Variants in AURKA observed in about 807,000 individuals in gnomAD.
AURKA encodes aurora kinase A, also known as aurora 2.
Under a neutral mutation model 40.9 loss-of-function variants are expected in AURKA, and 12 were observed. That is an observed-to-expected ratio of 0.29 (90% CI 0.19 to 0.48). AURKA has a LOEUF of 0.48. Ranked by LOEUF, AURKA falls within the 20% of genes least tolerant of loss-of-function variation. The pLI is 0.99. For synonymous variants in AURKA, 170 were observed against 164.3 expected (o/e 1.03, Z -0.26); for missense variants, 322 against 462.1 (o/e 0.70, Z 2.78).
rs572859710 is a variant in AURKA, at chr20:56,391,141, G to T, written c.-6+1027C>A. Among the ~76,000 whole-genome samples, 11 of 152,332 alleles carry T rather than the reference G, an allele frequency of 7.2e-5. No homozygotes were observed. In the East Asian group the frequency reaches 1.9e-3, roughly 27 times the overall value. ...TTCAAACCAGAAGTCCTACTATTTTGAATAGAAAAGCTGTTAGGCTAATAG... is the reference window on the plus strand; with the variant it reads ...TTCAAACCAGAAGTCCTACTATTTTTAATAGAAAAGCTGTTAGGCTAATAG... On this transcript the variant is annotated intron_variant, in intron 1 of 8. Coordinates refer to ENST00000395915, the MANE Select transcript of AURKA (RefSeq NM_198437.3).
At chr20:56,386,764 T>C (rs971469919) in intron 2 of AURKA, among the ~76,000 whole-genome samples, 1 of 152,178 alleles carries the variant, frequency 6.6e-6, no homozygotes, top group African/African-American at 2.4e-5. Context: ...CTAAAAATCA[T>C]GCTTTATTAA....
intron 6 of AURKA, among the ~76,000 whole-genome samples, chr20:56,374,721 C>T (rs1257217236): frequency 6.6e-6 from 1 of 152,066 alleles, no homozygotes; most frequent in Non-Finnish European, 1.5e-5. Flanking sequence ...CAGACATGAG[C>T]CACTGCACCC....
chr20:56,386,155 T>A (rs1054625522), intron 3 of AURKA, 102 bp downstream of exon 3: 7 of 1,511,004 alleles, frequency 4.6e-6, no homozygotes, highest in Non-Finnish European at 5.5e-6. Flanking sequence ...TCAACAGATA[T>A]AAAAGCTAAG....
rs141589148 is a variant in AURKA at position 56,370,750 on chromosome 20, G to A, written c.855-91C>T. On this transcript the variant is annotated intron_variant, in intron 7 of 8. Coordinates refer to ENST00000395915, the MANE Select transcript of AURKA (RefSeq NM_198437.3). ...TCATTAAAGAGTCCACTAACACTGA[G>A]GTCTTCCCCTGGGCCAGATCCTGTG... 1,483 of 1,417,014 alleles carry A rather than the reference G, an allele frequency of 1.0e-3. 11 individuals carry two copies. The African/African-American group carries it at 0.018, about 17-fold the overall frequency. The allele number at this position is 1,417,014 out of a possible 1,614,324, so 87.8% of individuals were successfully genotyped here.
intron 6 of AURKA, among the ~76,000 whole-genome samples, chr20:56,379,702 CT>C (rs1294479225): frequency 1.3e-5 from 2 of 152,158 alleles, no homozygotes; most frequent in African/African-American, 4.8e-5. Context: ...TGGCTCACAC[CT>C]GTAATCCTAG....
chr20:56,386,087 T>A (rs1304611170), intron 3 of AURKA, among the ~76,000 whole-genome samples, 170 bp downstream of exon 3: 1 of 152,110 alleles, frequency 6.6e-6, no homozygotes, highest in African/African-American at 2.4e-5. Flanking sequence ...TTAGCATAGG[T>A]CTGGCCCATG....
At chr20:56,388,100 A>C (rs1237316849) in intron 2 of AURKA, 56 bp downstream of exon 2, 1 of 1,593,182 alleles carries the variant, frequency 6.3e-7, no homozygotes. Flanking sequence ...TCCCGACAAG[A>C]CCAACCTCCA....
rs1986107901 is a variant in AURKA at position 56,384,394 on chromosome 20, T to C, written c.320-70A>G. The C allele has an allele frequency of 3.4e-6, 4 of 1,186,214 alleles. No individual in the cohort carries two copies. The East Asian group carries it at 9.4e-5, about 28-fold the overall frequency. The allele number at this position is 1,186,214 out of a possible 1,614,324, so 73.5% of individuals were successfully genotyped here. On this transcript the variant is annotated intron_variant, in intron 3 of 8. Transcript: ENST00000395915. ...GGATAAGCTAAGCTGTGAATAGAGGTGAATCAAAGAATTGGTCACCAAAAT... is the reference window on the plus strand; with the variant it reads ...GGATAAGCTAAGCTGTGAATAGAGGCGAATCAAAGAATTGGTCACCAAAAT...
Position 56,370,359 on chromosome 20 carries a change from T to A in AURKA, c.1030-19A>T, listed in dbSNP as rs1285859874. 2.5e-6 allele frequency: 4 copies of A among 1,614,002 alleles called. No homozygotes were observed. In the African/African-American group the frequency reaches 5.3e-5, roughly 22 times the overall value. On this transcript the variant is annotated intron_variant, in intron 8 of 8. Coordinates refer to ENST00000395915, the MANE Select transcript of AURKA (RefSeq NM_198437.3). ...ATTCAACCTGGAGTACAACAAATGA[T>A]AAAATATCACAAAACACAGGTTAGA... is the stretch of plus-strand genomic sequence containing the variant.
intron 5 of AURKA, among the ~76,000 whole-genome samples, chr20:56,382,296 G>A (rs1985819016): frequency 1.3e-5 from 2 of 152,206 alleles, no homozygotes; most frequent in Non-Finnish European, 2.9e-5. Context: ...GGTGCAGACT[G>A]TGGCCAGCGG....
At position 56,369,931 on chromosome 20, in the gene AURKA, A is replaced by G; in HGVS notation, c.*227T>C. ...CCTTGCCTCCAGATTATGAACCAGT[A>G]TAAGTAGCACAATTCTCGTGGCTAC... On this transcript the variant is annotated 3_prime_UTR_variant, in exon 9 of 9. Transcript: ENST00000395915. 2 of 637,670 alleles carry G rather than the reference A, an allele frequency of 3.1e-6. No individual in the cohort carries two copies. Among genetic ancestry groups the G allele is most frequent in the Non-Finnish European group, 5.6e-6 (2 of 356,202 alleles). 39.5% of individuals were successfully genotyped at this position (637,670 alleles called of 1,614,324 possible).
At chr20:56,387,465 T>C (rs1452186309) in intron 2 of AURKA, among the ~76,000 whole-genome samples, 2 of 152,220 alleles carry the variant, frequency 1.3e-5, no homozygotes, top group African/African-American at 4.8e-5. Flanking sequence ...AAATGTATTA[T>C]TTATACGCCT....
At chr20:56,389,747 T>C (rs1167237718) in intron 1 of AURKA, among the ~76,000 whole-genome samples, 1 of 152,318 alleles carries the variant, frequency 6.6e-6, no homozygotes, top group East Asian at 1.9e-4. Context: ...CTCATCTCAG[T>C]GCATGGCAAA....
chr20:56,374,129 G>A (rs1984627928), intron 6 of AURKA, among the ~76,000 whole-genome samples: 1 of 152,148 alleles, frequency 6.6e-6, no homozygotes, highest in Admixed American at 6.5e-5. Context: ...TACAGCTGGT[G>A]TGATGTTGAA....
chr20:56,372,003 G>A (rs370343461), intron 7 of AURKA, among the ~76,000 whole-genome samples: 2 of 152,308 alleles, frequency 1.3e-5, no homozygotes, highest in African/African-American at 4.8e-5. Flanking sequence ...GTATAGACAG[G>A]TATGCCATCA....
At chr20:56,382,951 G>T in intron 5 of AURKA, 34 bp downstream of exon 5, 1 of 1,610,222 alleles carries the variant, frequency 6.2e-7, no homozygotes, top group South Asian at 1.1e-5. Context: ...CAGCATTGGT[G>T]AACATTCTTT....
intron 3 of AURKA, among the ~76,000 whole-genome samples, chr20:56,384,562 G>A (rs1167216911): frequency 2.6e-5 from 4 of 151,922 alleles, no homozygotes; most frequent in Non-Finnish European, 5.9e-5. Flanking sequence ...ATATAGACAG[G>A]CCCTTCTCTG....
At chr20:56,375,291 C>A (rs1402769243) in intron 6 of AURKA, among the ~76,000 whole-genome samples, 2 of 150,424 alleles carry the variant, frequency 1.3e-5, no homozygotes, top group Non-Finnish European at 3.0e-5. Flanking sequence ...CCATGCCCAG[C>A]TAATTTTTAA....
At chr20:56,388,776 C>A (rs1470697843) in intron 1 of AURKA, 1 of 156,824 alleles carries the variant, frequency 6.4e-6, no homozygotes, top group Non-Finnish European at 1.4e-5. Flanking sequence ...CACACCATTG[C>A]ACTCCAGCCT....
Sources: allele counts gnomAD v4.1 joint callset (sites outside exome capture counted in the v4.1 genomes callset), GRCh38; gene constraint gnomAD v4.1.1; transcripts MANE v1.5; gene names NCBI Gene and HGNC (gene_info 2026-07-23, HGNC 2026-07-21).